Variants in USP25 observed in about 807,000 individuals in gnomAD.
USP25 encodes ubiquitin carboxyl-terminal hydrolase 25.
Under a neutral mutation model 158.5 loss-of-function variants are expected in USP25, and 85 were observed. The ratio of observed to expected loss-of-function variants is 0.54; its 90% CI spans 0.45 to 0.64. The LOEUF is 0.64. USP25 is among the 30% of genes least tolerant of loss of function. The pLI, the probability that USP25 is intolerant of heterozygous loss-of-function variation, is 0.00. For synonymous variants in USP25, 464 were observed against 460.4 expected, an observed-to-expected ratio of 1.01 and a Z score of -0.10; for missense variants, 1,242 against 1,327.3, an observed-to-expected ratio of 0.94 and a Z score of 1.00.
chr21:15,852,779 C>T (rs2038945130), intron 20 of USP25, among the ~76,000 whole-genome samples: 1 of 151,970 alleles, frequency 6.6e-6, no homozygotes, highest in African/African-American at 2.4e-5. Context: ...CTTTTTATGT[C>T]TTTAGTGTGT....
chr21:15,820,631 T>C (rs189017026), intron 10 of USP25, among the ~76,000 whole-genome samples: 59 of 152,116 alleles, frequency 3.9e-4, no homozygotes, highest in African/African-American at 1.2e-3. Flanking sequence ...TAAAGTATAG[T>C]ATCAGTTTTT....
chr21:15,778,323 T>C (rs897428699), intron 4 of USP25, among the ~76,000 whole-genome samples: 27 of 152,234 alleles, frequency 1.8e-4, no homozygotes, highest in Admixed American at 1.6e-3. Context: ...CACTGTCCAA[T>C]TTGCAACAAT....
At chr21:15,818,237 A>G (rs1035723600) in intron 9 of USP25, among the ~76,000 whole-genome samples, 6 of 152,134 alleles carry the variant, frequency 3.9e-5, no homozygotes, top group African/African-American at 1.4e-4. Context: ...TACCTCTCAC[A>G]TAATTCTGTC....
chr21:15,758,942 G>T (rs923604858), intron 1 of USP25, among the ~76,000 whole-genome samples: 4 of 152,070 alleles, frequency 2.6e-5, no homozygotes, highest in African/African-American at 9.7e-5. Flanking sequence ...GTGAAATTTG[G>T]GTGGGGACAC....
intron 5 of USP25, among the ~76,000 whole-genome samples, chr21:15,798,359 T>C (rs2035964639): frequency 6.6e-6 from 1 of 151,344 alleles, no homozygotes; most frequent in Non-Finnish European, 1.5e-5. Flanking sequence ...TACACAAGTA[T>C]GTTTGAAAGC....
rs11300775 is a variant in USP25 at position 15,869,248 on chromosome 21, C to CA, written c.2806-804dup. On this transcript the variant is annotated intron_variant, in intron 22 of 25. Transcript: ENST00000400183. ...GGGCAACTGAGTGAGACCCTGTCTC[C>CA]AAAAAAAAAAAAAAAAGTTTATATT... 2.1e-3 allele frequency among the ~76,000 whole-genome samples: 207 copies of CA among 100,446 alleles called. 1 individual carries two copies. Among genetic ancestry groups the CA allele is most frequent in the Middle Eastern group, 6.6e-3 (1 of 152 alleles). The allele number at this position is 100,446 out of a possible 152,430, so 65.9% of individuals were successfully genotyped here.
intron 20 of USP25, among the ~76,000 whole-genome samples, chr21:15,852,595 G>A (rs139411846): frequency 2.5e-3 from 376 of 152,118 alleles, no homozygotes; most frequent in African/African-American, 8.6e-3. Context: ...ACATATAGTC[G>A]GAGATGAAAA....
At chr21:15,863,587 C>T (rs1019954550) in intron 20 of USP25, among the ~76,000 whole-genome samples, 7 of 152,126 alleles carry the variant, frequency 4.6e-5, no homozygotes, top group South Asian at 2.1e-4. Context: ...TAAAACAGAA[C>T]GGGAAAACTT....
At chr21:15,798,477 C>G (rs2035970231) in intron 5 of USP25, among the ~76,000 whole-genome samples, 1 of 151,032 alleles carries the variant, frequency 6.6e-6, no homozygotes, top group African/African-American at 2.4e-5. Flanking sequence ...TGCTTTCTCC[C>G]CAAGGTTCTG....
chr21:15,859,858 G>T (rs1385610214), intron 20 of USP25, among the ~76,000 whole-genome samples: 3 of 151,032 alleles, frequency 2.0e-5, no homozygotes, highest in Admixed American at 2.0e-4. Flanking sequence ...TTTTTGGAAA[G>T]AAAAAGCCTT....
At chr21:15,731,743 A>G (rs984301762) in intron 1 of USP25, among the ~76,000 whole-genome samples, 2 of 152,228 alleles carry the variant, frequency 1.3e-5, no homozygotes, top group African/African-American at 4.8e-5. Context: ...GAAATAATTC[A>G]AGATTTAATA....
chr21:15,775,831 C>T (rs964951155), intron 3 of USP25, among the ~76,000 whole-genome samples: 14 of 145,848 alleles, frequency 9.6e-5, no homozygotes, highest in African/African-American at 3.5e-4. Context: ...ATCCAAAACC[C>T]TAACTGCCAG....
chr21:15,864,199 C>A, intron 20 of USP25, 69 bp from the exon 21 acceptor site: 6 of 1,405,222 alleles, frequency 4.3e-6, no homozygotes, highest in Non-Finnish European at 5.8e-6. Context: ...GAATTAAACT[C>A]ATAATATTGA....
At chr21:15,778,559 A>G (rs1470956229) in intron 4 of USP25, among the ~76,000 whole-genome samples, 2 of 152,072 alleles carry the variant, frequency 1.3e-5, no homozygotes, top group Non-Finnish European at 2.9e-5. Context: ...CTGACTTCTG[A>G]TCTATAGCAT....
chr21:15,761,731 G>A (rs2033738499), intron 1 of USP25, among the ~76,000 whole-genome samples: 1 of 152,208 alleles, frequency 6.6e-6, no homozygotes, highest in African/African-American at 2.4e-5. Context: ...AAGCATGCCA[G>A]TGTATAAAAC....
At chr21:15,785,099 A>T (rs1210212233) in intron 4 of USP25, among the ~76,000 whole-genome samples, 1 of 152,192 alleles carries the variant, frequency 6.6e-6, no homozygotes, top group Non-Finnish European at 1.5e-5. Flanking sequence ...AAATGAGCAG[A>T]AGCAGCCATA....
intron 1 of USP25, among the ~76,000 whole-genome samples, chr21:15,759,706 G>T (rs1398990534): frequency 6.6e-6 from 1 of 152,120 alleles, no homozygotes; most frequent in East Asian, 1.9e-4. Flanking sequence ...TTTCTTACCA[G>T]ACTTAAGGTC....
intron 6 of USP25, among the ~76,000 whole-genome samples, chr21:15,801,827 A>G (rs1354351027): frequency 1.3e-5 from 2 of 151,698 alleles, no homozygotes; most frequent in South Asian, 2.1e-4. Flanking sequence ...ATTTGCCACA[A>G]ATATTACATA....
chr21:15,855,472 T>G (rs933221136), intron 20 of USP25, among the ~76,000 whole-genome samples: 1 of 152,192 alleles, frequency 6.6e-6, no homozygotes, highest in Non-Finnish European at 1.5e-5. Context: ...GAAGAATTAT[T>G]TATCAACATG....
Sources: gnomAD v4.1 joint callset for allele counts (sites outside exome capture counted in the v4.1 genomes callset) on GRCh38, gnomAD v4.1.1 for gene constraint, MANE v1.5 for transcripts, NCBI Gene and HGNC (gene_info 2026-07-23, HGNC 2026-07-21) for gene names.